Variants in WDR5 observed in about 807,000 individuals in gnomAD.
WDR5 encodes WD repeat-containing protein 5.
For synonymous variants in WDR5, 144 were observed against 161.6 expected (o/e 0.89, Z 0.83); for missense variants, 187 against 416.9 (o/e 0.45, Z 4.80).
chr9:134,135,242 A>T (rs980134403), upstream of WDR5: 1 of 152,216 alleles, frequency 6.6e-6, no homozygotes, highest in Non-Finnish European at 1.5e-5. Flanking sequence ...TTGAGGCCAG[A>T]GGACCGGGCC....
chr9:134,158,697 AGTGC>A lies in WDR5; in HGVS notation c.*707_*710del, dbSNP rs1714960653. 6.6e-6 allele frequency: 1 copy of A among 152,248 alleles called. No individual in the cohort carries two copies. Among genetic ancestry groups the A allele is most frequent in the Admixed American group, 6.5e-5 (1 of 15,286 alleles). The allele number at this position is 152,248 out of a possible 1,614,324, so 9.4% of individuals were successfully genotyped here. On this transcript the variant is annotated 3_prime_UTR_variant, in exon 14 of 14. Transcript: ENST00000358625. ...TGGGGTTTTGTGAATGGTTGTGGCAAGTGCGTCCTTGTGAAGCTCGTCTCCATGT... is the reference window on the plus strand; with the variant it reads ...TGGGGTTTTGTGAATGGTTGTGGCAAGTCCTTGTGAAGCTCGTCTCCATGT...
At chr9:134,155,265 G>C (rs1210580868) in intron 10 of WDR5, 75 bp from the exon 11 acceptor site, 2 of 1,461,992 alleles carry the variant, frequency 1.4e-6, no homozygotes, top group Admixed American at 2.5e-5. Context: ...CTGTGACGTA[G>C]TGGCTGCAGA....
chr9:134,153,817 T>C (rs1485583632), intron 9 of WDR5, among the ~76,000 whole-genome samples: 1 of 152,130 alleles, frequency 6.6e-6, no homozygotes, highest in African/African-American at 2.4e-5. Flanking sequence ...GATTCCCTCC[T>C]CCTCACTCAG....
intron 8 of WDR5, among the ~76,000 whole-genome samples, chr9:134,150,620 T>C (rs1448148477): frequency 2.6e-5 from 4 of 152,236 alleles, no homozygotes; most frequent in Admixed American, 6.5e-5. Flanking sequence ...TTTGTAGATA[T>C]GTTTGCATGT....
At chr9:134,140,876 G>T (rs750753163) in intron 3 of WDR5, 65 bp downstream of exon 3, 9 of 1,499,350 alleles carry the variant, frequency 6.0e-6, no homozygotes, top group Non-Finnish European at 8.4e-6. Flanking sequence ...AAAAGCTGGC[G>T]AGGGGATGGC....
chr9:134,140,028 A>C, intron 2 of WDR5, 70 bp downstream of exon 2: 498 of 1,532,918 alleles, frequency 3.2e-4, no homozygotes, highest in Non-Finnish European at 4.2e-4. Flanking sequence ...GAAACATCTC[A>C]AGCTCATAAG....
At chr9:134,151,234 T>C (rs1832470149) in intron 8 of WDR5, among the ~76,000 whole-genome samples, 1 of 152,106 alleles carries the variant, frequency 6.6e-6, no homozygotes, top group African/African-American at 2.4e-5. Context: ...CCCTGGATTA[T>C]TGAAGTGTGG....
At chr9:134,147,282 C>T (rs571727610) in intron 7 of WDR5, among the ~76,000 whole-genome samples, 5 of 152,200 alleles carry the variant, frequency 3.3e-5, no homozygotes, top group Non-Finnish European at 5.9e-5. Flanking sequence ...CAGCATGCCC[C>T]GGGGACCTGT....
intron 7 of WDR5, among the ~76,000 whole-genome samples, chr9:134,143,761 C>T (rs1383150399): frequency 2.6e-5 from 4 of 151,684 alleles, no homozygotes; most frequent in East Asian, 2.0e-4. Context: ...GTGATCCTCC[C>T]GCCTTGGCCT....
intron 7 of WDR5, among the ~76,000 whole-genome samples, chr9:134,145,241 G>C (rs1399521046): frequency 6.6e-6 from 1 of 151,892 alleles, no homozygotes; most frequent in Non-Finnish European, 1.5e-5. Flanking sequence ...TGGGATTACA[G>C]GTGCCCACTA....
intron 1 of WDR5, among the ~76,000 whole-genome samples, chr9:134,138,504 C>T: frequency 6.6e-6 from 1 of 152,222 alleles, no homozygotes; most frequent in Non-Finnish European, 1.5e-5. Context: ...TACCACGTAG[C>T]TGGCATTTAC....
rs1832863975 is a variant in WDR5 at position 134,158,753 on chromosome 9, G to C, written c.*760G>C. 1 of 152,238 alleles carries C rather than the reference G, an allele frequency of 6.6e-6. No individual in the cohort carries two copies. The highest frequency in any genetic ancestry group is 1.5e-5 in the Non-Finnish European group (1 of 68,052). The allele number at this position is 152,238 out of a possible 1,614,324, so 9.4% of individuals were successfully genotyped here. On this transcript the variant is annotated 3_prime_UTR_variant, in exon 14 of 14. Transcript: ENST00000358625. ...GCTTTCTTGGAGAAAGGCTCCCCTG[G>C]GGCAAGAGGGTGGAAGGTTTCTTTG...
chr9:134,137,398 C>T (rs536741379), intron 1 of WDR5, among the ~76,000 whole-genome samples: 29 of 152,228 alleles, frequency 1.9e-4, no homozygotes, highest in African/African-American at 6.7e-4. Flanking sequence ...AATGCCAAGC[C>T]TTGGCCCGGC....
At chr9:134,138,002 A>G (rs1047369399) in intron 1 of WDR5, among the ~76,000 whole-genome samples, 1 of 152,188 alleles carries the variant, frequency 6.6e-6, no homozygotes, top group Admixed American at 6.5e-5. Flanking sequence ...TCAGCCTCCC[A>G]AAGTGCTGAG....
chr9:134,151,911 A>G lies in WDR5; in HGVS notation c.585-72A>G, dbSNP rs74312123. 597 of 1,501,894 alleles carry G rather than the reference A, an allele frequency of 4.0e-4. 7 individuals carry two copies. In the East Asian group the frequency reaches 0.012, roughly 31 times the overall value. 93.0% of individuals were successfully genotyped at this position (1,501,894 alleles called of 1,614,324 possible). On this transcript the variant is annotated intron_variant, in intron 8 of 13. Coordinates refer to ENST00000358625, the MANE Select transcript of WDR5 (RefSeq NM_017588.3). ...AAAGCGTGCTAGTCCTAAAATTTAT[A>G]TCTGACTCCCAGCAGCCCGCGTGAG...
intron 7 of WDR5, among the ~76,000 whole-genome samples, chr9:134,145,958 T>A (rs1293930362): frequency 6.3e-4 from 94 of 150,036 alleles, no homozygotes; most frequent in African/African-American, 2.2e-3. Context: ...TTTTGTTTTT[T>A]AATATTTATT....
chr9:134,141,624 G>C (rs548358815), intron 4 of WDR5, 41 bp downstream of exon 4: 1 of 1,605,676 alleles, frequency 6.2e-7, no homozygotes, highest in Admixed American at 1.7e-5. Context: ...CTGTTGAACA[G>C]GGTGGCTCTA....
intron 9 of WDR5, among the ~76,000 whole-genome samples, chr9:134,153,764 G>A (rs1376555806): frequency 6.6e-6 from 1 of 152,040 alleles, no homozygotes; most frequent in Non-Finnish European, 1.5e-5. Flanking sequence ...GGTCTCTGGT[G>A]GGGCCCAGGG....
intron 8 of WDR5, among the ~76,000 whole-genome samples, chr9:134,148,844 G>T (rs1832348705): frequency 6.6e-6 from 1 of 152,194 alleles, no homozygotes; most frequent in African/African-American, 2.4e-5. Context: ...GCAGGTGTTT[G>T]TAGTGCTTGG....
Sources: gnomAD v4.1 joint callset for allele counts (sites outside exome capture counted in the v4.1 genomes callset) on GRCh38, gnomAD v4.1.1 for gene constraint, MANE v1.5 for transcripts, NCBI Gene and HGNC (gene_info 2026-07-23, HGNC 2026-07-21) for gene names.